Variants in ENTPD5 observed in about 807,000 individuals in gnomAD.
The protein encoded by ENTPD5 is ectonucleoside triphosphate diphosphohydrolase 5 (inactive), also known as nucleoside diphosphate phosphatase ENTPD5.
In ENTPD5, 49 loss-of-function variants were observed where a neutral mutation model predicts 60.2. The observed-to-expected ratio is 0.81, with a 90% confidence interval of 0.65 to 1.03. The LOEUF (loss-of-function observed/expected upper bound fraction) is 1.03. ENTPD5 is among the 50% of genes least tolerant of loss of function. The pLI, the probability that ENTPD5 is intolerant of heterozygous loss-of-function variation, is 0.00. For synonymous variants in ENTPD5, 187 were observed against 185.4 expected (o/e 1.01, Z -0.07); for missense variants, 480 against 507.6 (o/e 0.95, Z 0.52).
At chr14:73,981,061 T>C (rs1210148325) in intron 6 of ENTPD5, among the ~76,000 whole-genome samples, 1 of 151,942 alleles carries the variant, frequency 6.6e-6, no homozygotes, top group Non-Finnish European at 1.5e-5. Context: ...GTCGCACTAC[T>C]GCACTCCAGC....
chr14:73,958,688 GA>G, downstream of ENTPD5: 10 of 1,346,044 alleles, frequency 7.4e-6, no homozygotes, highest in Non-Finnish European at 9.6e-6. Flanking sequence ...GCCCCATACT[GA>G]AACTTTCCTT....
At chr14:73,986,936 C>G (rs1263120716) in intron 4 of ENTPD5, 43 bp from the exon 5 acceptor site, 2 of 1,495,514 alleles carry the variant, frequency 1.3e-6, no homozygotes, top group African/African-American at 2.8e-5. Context: ...AGCTGGTTAC[C>G]AAAAGTTAGG....
At chr14:74,005,159 G>A (rs144352351) in intron 3 of ENTPD5, among the ~76,000 whole-genome samples, 1,976 of 151,124 alleles carry the variant, frequency 0.013, 18 homozygotes, top group South Asian at 0.03. Context: ...CCAGCTACTC[G>A]GGAGGCTGAG....
intron 3 of ENTPD5, among the ~76,000 whole-genome samples, chr14:73,995,420 T>C (rs866571361): frequency 6.6e-6 from 1 of 151,834 alleles, no homozygotes. Flanking sequence ...GAGCACACAG[T>C]AGATGTTGAA....
intron 15 of ENTPD5, 59 bp downstream of exon 15, chr14:73,969,951 C>T (rs753793777): frequency 3.2e-5 from 39 of 1,204,424 alleles, no homozygotes; most frequent in Non-Finnish European, 4.7e-5. Context: ...CAAGCTCTTA[C>T]TCCTTCTCAA....
intron 3 of ENTPD5, among the ~76,000 whole-genome samples, chr14:73,995,946 T>C (rs2058328338): frequency 6.6e-6 from 1 of 152,052 alleles, no homozygotes; most frequent in South Asian, 2.1e-4. Flanking sequence ...ACTATCTCCA[T>C]CTCCTTCTAT....
At chr14:74,004,534 T>G (rs1176615158) in intron 3 of ENTPD5, among the ~76,000 whole-genome samples, 1 of 152,260 alleles carries the variant, frequency 6.6e-6, no homozygotes, top group East Asian at 1.9e-4. Flanking sequence ...GAGGCTCTCA[T>G]GAGATTGCAG....
rs1313494730 is a variant in ENTPD5 at position 73,967,010 on chromosome 14, G to T, written c.1205C>A (p.Thr402Lys). Reference sequence around the variant, plus strand: ...CGTCTCTATGTTGTTCACTTTCTTTGTGAGCTGTTGAGAAGAAAAAAAGTC... The same window carrying T: ...CGTCTCTATGTTGTTCACTTTCTTTTTGAGCTGTTGAGAAGAAAAAAAGTC... ...GFADSTVLQLTKKVNNIETGW... is the reference protein window; with the variant it reads ...GFADSTVLQLKKKVNNIETGW... Residue 402 changes from threonine (T) to lysine (K), a missense_variant, in exon 16 of 16, where the codon ACA becomes AAA. Coordinates refer to ENST00000334696, the MANE Select transcript of ENTPD5 (RefSeq NM_001249.5). 3 of 1,613,804 alleles carry T rather than the reference G, an allele frequency of 1.9e-6. No homozygotes were observed. Among genetic ancestry groups the T allele is most frequent in the Non-Finnish European group, 1.7e-6 (2 of 1,179,826 alleles).
At chr14:73,977,225 C>G in intron 7 of ENTPD5, 74 bp downstream of exon 7, 1 of 1,339,430 alleles carries the variant, frequency 7.5e-7, no homozygotes, top group Admixed American at 1.8e-5. Flanking sequence ...TATTCCTGGC[C>G]CCAGTTCCTT....
At chr14:73,975,901 C>T (rs371046216) in intron 10 of ENTPD5, 35 bp downstream of exon 10, 24 of 1,483,846 alleles carry the variant, frequency 1.6e-5, no homozygotes, top group Admixed American at 3.8e-5. Context: ...AATCATACAA[C>T]ATGAAATATT....
At chr14:74,008,077 G>A (rs759908117) in intron 3 of ENTPD5, among the ~76,000 whole-genome samples, 5 of 151,696 alleles carry the variant, frequency 3.3e-5, no homozygotes, top group Admixed American at 1.3e-4. Context: ...CAAGTGATGC[G>A]TCCACCTTAG....
chr14:73,974,847 A>G (rs535831256), intron 11 of ENTPD5, 77 bp downstream of exon 11: 59 of 1,182,398 alleles, frequency 5.0e-5, no homozygotes, highest in Middle Eastern at 2.0e-4. Context: ...TAGAATGGCT[A>G]TCAAGGAAGG....
downstream of ENTPD5, chr14:73,961,438 C>T: frequency 2.5e-6 from 4 of 1,614,178 alleles, no homozygotes; most frequent in Non-Finnish European, 3.4e-6. Flanking sequence ...CACACCTGAA[C>T]TCTGCTTTAT....
At chr14:73,999,462 T>A (rs2058436788) in intron 3 of ENTPD5, among the ~76,000 whole-genome samples, 2 of 151,398 alleles carry the variant, frequency 1.3e-5, no homozygotes, top group Admixed American at 6.6e-5. Context: ...CACCCCAGCC[T>A]GGGTGACAGA....
chr14:73,977,375 C>G lies in ENTPD5; in HGVS notation c.442-1G>C. On this transcript the variant is annotated splice_acceptor_variant, in intron 6 of 15. Transcript: ENST00000334696. LOFTEE classifies it high-confidence loss of function. ...GTGACTTCCTGAAGATCTCCTTTAC[C>G]TAGAGAAAAAGGAAAAAAAAAAAAA... 6.8e-7 allele frequency: 1 copy of G among 1,477,702 alleles called. No individual in the cohort carries two copies. Among genetic ancestry groups the G allele is most frequent in the Non-Finnish European group, 9.3e-7 (1 of 1,076,856 alleles). The allele number at this position is 1,477,702 out of a possible 1,614,324, so 91.5% of individuals were successfully genotyped here.
At chr14:74,005,212 G>A (rs1252323535) in intron 3 of ENTPD5, among the ~76,000 whole-genome samples, 1 of 144,754 alleles carries the variant, frequency 6.9e-6, no homozygotes, top group Non-Finnish European at 1.5e-5. Context: ...GTTGCAGTGA[G>A]CTGAGATCGC....
In ENTPD5 at chr14:73,964,352, C is replaced by T. The variant is rs899419152; in HGVS notation, c.*2576G>A. 4 of 152,034 alleles carry T rather than the reference C, an allele frequency of 2.6e-5. No individual in the cohort carries two copies. The highest frequency in any genetic ancestry group is 6.6e-5 in the Admixed American group (1 of 15,262). 9.4% of individuals were successfully genotyped at this position (152,034 alleles called of 1,614,324 possible). On this transcript the variant is annotated 3_prime_UTR_variant, in exon 16 of 16. Coordinates refer to ENST00000334696, the MANE Select transcript of ENTPD5 (RefSeq NM_001249.5). ...AAGGGTCTACTGCAGGCAGGATGGG[C>T]GTTACAGAAAAAAATAAAAACTCTC...
chr14:73,959,249 G>T (rs915624002), downstream of ENTPD5: 1 of 1,614,190 alleles, frequency 6.2e-7, no homozygotes, highest in South Asian at 1.1e-5. Flanking sequence ...TGACCAGTCC[G>T]CCCACATGCA....
downstream of ENTPD5, chr14:73,958,402 C>G: frequency 6.5e-7 from 1 of 1,541,142 alleles, no homozygotes; most frequent in South Asian, 1.2e-5. Context: ...TTATGAGGAC[C>G]AGTACCTATT....
Sources: allele counts gnomAD v4.1 joint callset (sites outside exome capture counted in the v4.1 genomes callset), GRCh38; gene constraint gnomAD v4.1.1; transcripts MANE v1.5; gene names NCBI Gene and HGNC (gene_info 2026-07-23, HGNC 2026-07-21).